Variants in DPYSL2 observed in about 807,000 individuals in gnomAD.
DPYSL2 encodes dihydropyrimidinase like 2.
A neutral mutation model predicts 69.9 loss-of-function variants in DPYSL2; 13 were observed. That is an observed-to-expected ratio of 0.19 (90% confidence interval 0.12 to 0.30). The LOEUF is 0.30. Ranked by LOEUF, DPYSL2 falls within the 10% of genes least tolerant of loss-of-function variation. DPYSL2 has a pLI of 1.00. For synonymous variants in DPYSL2, 326 were observed against 359.1 expected (o/e 0.91, Z 1.04); for missense variants, 587 against 918.9 (o/e 0.64, Z 4.67).
At chr8:26,574,599 G>C (rs1027103817) in intron 1 of DPYSL2, among the ~76,000 whole-genome samples, 1 of 152,172 alleles carries the variant, frequency 6.6e-6, no homozygotes, top group Non-Finnish European at 1.5e-5. Flanking sequence ...ATTTTACATT[G>C]CTTTCTCATG....
chr8:26,543,648 C>A (rs188051933), intron 1 of DPYSL2, among the ~76,000 whole-genome samples: 2 of 152,076 alleles, frequency 1.3e-5, no homozygotes, highest in African/African-American at 4.8e-5. Flanking sequence ...CCACCACGCC[C>A]AGCTAATTTT....
chr8:26,554,119 A>G (rs560466086), intron 1 of DPYSL2, among the ~76,000 whole-genome samples: 41 of 151,974 alleles, frequency 2.7e-4, no homozygotes, highest in African/African-American at 9.2e-4. Flanking sequence ...TGAACTCCTG[A>G]CCTCGTGATC....
chr8:26,528,567 A>C (rs1010545641), intron 1 of DPYSL2, among the ~76,000 whole-genome samples: 3 of 151,768 alleles, frequency 2.0e-5, no homozygotes, highest in African/African-American at 7.3e-5. Flanking sequence ...GAATCGCTTG[A>C]ACCCGGTGGG....
chr8:26,530,962 G>A (rs61220681), intron 1 of DPYSL2, among the ~76,000 whole-genome samples: 1 of 152,002 alleles, frequency 6.6e-6, no homozygotes, highest in African/African-American at 2.4e-5. Flanking sequence ...AGGAGGCTGA[G>A]GTGCGAGGAC....
At chr8:26,554,035 G>GC (rs1330368785) in intron 1 of DPYSL2, among the ~76,000 whole-genome samples, 1 of 150,762 alleles carries the variant, frequency 6.6e-6, no homozygotes, top group Non-Finnish European at 1.5e-5. Context: ...GGTTACACAT[G>GC]CCCCCCACCA....
Position 26,654,221 on chromosome 8 carries a change from C to A in DPYSL2, c.1942+824C>A, listed in dbSNP as rs549046491. 6.6e-6 allele frequency among the ~76,000 whole-genome samples: 1 copy of A among 152,246 alleles called. No homozygotes were observed. The highest frequency in any genetic ancestry group is 2.4e-5 in the African/African-American group (1 of 41,548). ...ATATGTACAGTGCTTAGAATGGGGC[C>A]ATTTGAGAACTGTTAGTTGTATTTG... On this transcript the variant is annotated intron_variant, in intron 13 of 13. Transcript: ENST00000521913. The surrounding 1 kb of genome is among the most constrained non-coding windows in gnomAD (Gnocchi z 5.0).
At chr8:26,630,369 TGGGCTTTGTTCCCA>T (rs141166699) in intron 7 of DPYSL2, among the ~76,000 whole-genome samples, 74,670 of 151,464 alleles carry the variant, frequency 0.49, 19,819 homozygotes, top group East Asian at 0.68. Flanking sequence ...TCCCTGGAAT[TGGGCTTTGTTCCCA>T]GGGCTTTGTT....
At chr8:26,556,214 A>ATAGTATT (rs1800963735) in intron 1 of DPYSL2, among the ~76,000 whole-genome samples, 2 of 16,280 alleles carry the variant, frequency 1.2e-4, no homozygotes, top group African/African-American at 4.5e-4. Context: ...TATATATACT[A>ATAGTATT]TATATAGTAT....
chr8:26,627,089 G>T lies in DPYSL2; in HGVS notation c.856-126G>T, dbSNP rs1802636199. 1.2e-6 allele frequency: 1 copy of T among 832,938 alleles called. No individual in the cohort carries two copies. Among genetic ancestry groups the T allele is most frequent in the Non-Finnish European group, 2.0e-6 (1 of 508,264 alleles). 51.6% of individuals were successfully genotyped at this position (832,938 alleles called of 1,614,324 possible). On this transcript the variant is annotated intron_variant, in intron 5 of 13. Coordinates refer to ENST00000521913, the MANE Select transcript of DPYSL2 (RefSeq NM_001197293.3). This position sits in a 1 kb window ranked among gnomAD's most constrained non-coding sequence, Gnocchi z 6.9. The stretch of plus-strand genomic sequence containing the variant: ...GCCCTCATCATATCAAAAAAAGTCA[G>T]GCTAATAGAATCGCCTAGGTGTCCT...
At position 26,624,180 on chromosome 8, in the gene DPYSL2, C is replaced by T. The variant is rs779830687; in HGVS notation, c.666C>T (p.Leu222=). Residue 222 remains leucine, a synonymous_variant, in exon 4 of 14, where the codon CTC becomes CTT. Transcript: ENST00000521913. The surrounding 1 kb of genome is among the most constrained non-coding windows in gnomAD (Gnocchi z 4.7). The part of the protein sequence containing the change: ...HVVPEPGTSL[L]AAFDQWREWA... ...TTCCTGAGCCTGGGACAAGCCTGCT[C>T]GCTGCCTTTGACCAGTGGAGGGAAT... is the stretch of plus-strand genomic sequence containing the variant. 8.1e-6 allele frequency: 13 copies of T among 1,614,082 alleles called. No individual in the cohort carries two copies. The highest frequency in any genetic ancestry group is 8.0e-5 in the African/African-American group (6 of 74,920).
intron 1 of DPYSL2, among the ~76,000 whole-genome samples, chr8:26,529,299 CTAT>C (rs1563375868): frequency 2.0e-5 from 3 of 149,560 alleles, no homozygotes; most frequent in Admixed American, 6.7e-5. Context: ...ATCTATCTAT[CTAT>C]CATCTATCTA....
intron 1 of DPYSL2, among the ~76,000 whole-genome samples, chr8:26,556,213 TATATATA>T (rs1270389330): frequency 1.3e-4 from 1 of 7,748 alleles, no homozygotes. Flanking sequence ...ATATATATAC[TATATATA>T]GTATATATAG....
Position 26,643,534 on chromosome 8 carries a change from A to G in DPYSL2, c.1222A>G (p.Thr408Ala), listed in dbSNP as rs375095984. The G allele has an allele frequency of 6.1e-5, 98 of 1,613,186 alleles. No individual in the cohort carries two copies. The highest frequency in any genetic ancestry group is 8.3e-5 in the Non-Finnish European group (98 of 1,179,830). The stretch of plus-strand genomic sequence containing the variant: ...CTGGGCCAAGGCTGCTGCCTTTGTC[A>G]CCTCCCCACCCTTGAGCCCTGATCC... The part of the protein sequence containing the change: ...KNWAKAAAFV[T>A]SPPLSPDPTT... Residue 408 changes from threonine (T) to alanine (A), a missense_variant, in exon 9 of 14, where the codon ACC becomes GCC. By Grantham distance (58) the Thr-to-Ala change is moderately conservative (BLOSUM62 0). This residue lies in a region of DPYSL2 where 452 missense variants were observed against 754.3 expected (regional missense o/e 0.60). Transcript: ENST00000521913. The surrounding 1 kb of genome is among the most constrained non-coding windows in gnomAD (Gnocchi z 6.5).
In DPYSL2 at chr8:26,581,972, G is replaced by C; in HGVS notation, c.358G>C (p.Asp120His). Residue 120 changes from aspartate to histidine, a missense_variant, in exon 2 of 14, where the codon GAT (aspartate) becomes CAT (histidine). Asp to His is a moderately conservative substitution (Grantham distance 81). Transcript: ENST00000521913. The part of the protein sequence containing the change: ...EALQNINDQS[D>H]RLLIKGGKIV... ...CCTTACTGCCTCTTTGTTTCAGAGC[G>C]ATCGTCTTCTGATCAAAGGAGGTAA... 1 of 1,613,652 alleles carries C rather than the reference G, an allele frequency of 6.2e-7. No homozygotes were observed. Among genetic ancestry groups the C allele is most frequent in the Non-Finnish European group, 8.5e-7 (1 of 1,179,776 alleles).
At position 26,627,569 on chromosome 8, in the gene DPYSL2, G is replaced by A. The variant is rs112094282; in HGVS notation, c.936+274G>A. On this transcript the variant is annotated intron_variant, in intron 6 of 13. Coordinates refer to ENST00000521913, the MANE Select transcript of DPYSL2 (RefSeq NM_001197293.3). This position sits in a 1 kb window ranked among gnomAD's most constrained non-coding sequence, Gnocchi z 6.9. ...AACGCAGCTGCCTTGGGTGGGGTACGGGAACCCTCACGTCACACACAGGCA... is the reference window on the plus strand; with the variant it reads ...AACGCAGCTGCCTTGGGTGGGGTACAGGAACCCTCACGTCACACACAGGCA... Among the ~76,000 whole-genome samples the A allele has an allele frequency of 6.2e-3, 945 of 152,294 alleles. 5 individuals carry two copies. The highest frequency in any genetic ancestry group is 0.01 in the Middle Eastern group (3 of 292).
rs141086213 is a variant in DPYSL2, at chr8:26,657,792, G to A, written c.*2086G>A. On this transcript the variant is annotated 3_prime_UTR_variant, in exon 14 of 14. Coordinates refer to ENST00000521913, the MANE Select transcript of DPYSL2 (RefSeq NM_001197293.3). ...TTTCTTAAAAAACAAGTTAAAACCTGACGATTTCTGCAGGCTGTGTAAGCA... is the reference window on the plus strand; with the variant it reads ...TTTCTTAAAAAACAAGTTAAAACCTAACGATTTCTGCAGGCTGTGTAAGCA... 76 of 152,726 alleles carry A rather than the reference G, an allele frequency of 5.0e-4. No individual in the cohort carries two copies. Among genetic ancestry groups the A allele is most frequent in the African/African-American group, 1.7e-3 (72 of 41,548 alleles). 9.5% of individuals were successfully genotyped at this position (152,726 alleles called of 1,614,324 possible). A position where few individuals can be genotyped will look rare whatever the true frequency, so the allele number is the denominator to read the frequency against.
chr8:26,625,981 C>A (rs1282774524), intron 4 of DPYSL2, among the ~76,000 whole-genome samples: 1 of 152,210 alleles, frequency 6.6e-6, no homozygotes, highest in African/African-American at 2.4e-5. Context: ...ACTCATTAAA[C>A]ACTAACTCTC....
rs1563388521 is a variant in DPYSL2 at position 26,564,687 on chromosome 8, GC to G, written c.355-17280del. The stretch of plus-strand genomic sequence containing the variant: ...AGCTGCTGAGAGGTGTGAGAGGGTG[GC>G]CAGATCAAGGACCAGTGGGAAGTCT... On this transcript the variant is annotated intron_variant, in intron 1 of 13. Coordinates refer to ENST00000521913, the MANE Select transcript of DPYSL2 (RefSeq NM_001197293.3). The surrounding 1 kb of genome is among the most constrained non-coding windows in gnomAD (Gnocchi z 4.8). 6.6e-6 allele frequency among the ~76,000 whole-genome samples: 1 copy of G among 152,140 alleles called. No individual in the cohort carries two copies. The highest frequency in any genetic ancestry group is 1.5e-5 in the Non-Finnish European group (1 of 68,030).
rs541233785 is a variant in DPYSL2, at chr8:26,534,949, T to C, written c.354+20270T>C. On this transcript the variant is annotated intron_variant, in intron 1 of 13. Coordinates refer to ENST00000521913, the MANE Select transcript of DPYSL2 (RefSeq NM_001197293.3). ...CAACCATCCCAAATCTTGTATTTTA[T>C]CTAGCTACAGCATTTCTATGACTGT... Among the ~76,000 whole-genome samples, 4 of 152,346 alleles carry C rather than the reference T, an allele frequency of 2.6e-5. No individual in the cohort carries two copies. The East Asian group carries it at 5.8e-4, about 22-fold the overall frequency.
Sources: allele counts gnomAD v4.1 joint callset (sites outside exome capture counted in the v4.1 genomes callset), GRCh38; gene constraint gnomAD v4.1.1; regional missense constraint gnomAD v4.1.1; non-coding constraint Gnocchi (gnomAD v3.1); transcripts MANE v1.5; gene names NCBI Gene and HGNC (gene_info 2026-07-23, HGNC 2026-07-21).